The following ESRRG variants were observed in gnomAD, a reference collection of about 807,000 sequenced individuals.
The protein encoded by ESRRG is estrogen related receptor gamma.
Under a neutral mutation model 44.0 loss-of-function variants are expected in ESRRG, and 13 were observed. The observed-to-expected ratio is 0.30, with a 90% CI of 0.19 to 0.47. The LOEUF is 0.47. Ranked by LOEUF, ESRRG falls within the 20% of genes least tolerant of loss-of-function variation. ESRRG has a pLI of 1.00. For missense variants in ESRRG, 395 were observed against 580.6 expected (o/e 0.68, Z 3.29); for synonymous variants, 215 against 214.6 (o/e 1.00, Z -0.02).
At chr1:216,581,324 C>A (rs1218430060) in intron 3 of ESRRG, among the ~76,000 whole-genome samples, 5 of 152,060 alleles carry the variant, frequency 3.3e-5, no homozygotes, top group African/African-American at 1.2e-4. Flanking sequence ...ATATGTATAC[C>A]TCTGTATATA....
chr1:217,131,102 T>C (rs1457114834), intron 1 of ESRRG, among the ~76,000 whole-genome samples: 1 of 152,198 alleles, frequency 6.6e-6, no homozygotes, highest in Non-Finnish European at 1.5e-5. Flanking sequence ...GAGAACATAA[T>C]TCTGAAGAAG....
chr1:216,986,621 G>C (rs2074920019), intron 1 of ESRRG, among the ~76,000 whole-genome samples: 1 of 151,670 alleles, frequency 6.6e-6, no homozygotes, highest in Non-Finnish European at 1.5e-5. Flanking sequence ...CAGCTACTCG[G>C]GAGGCTGAGG....
intron 1 of ESRRG, among the ~76,000 whole-genome samples, chr1:217,074,606 G>C (rs567485301): frequency 1.1e-4 from 17 of 152,204 alleles, no homozygotes; most frequent in African/African-American, 4.1e-4. Context: ...GGGAGGCCAA[G>C]GTGGGAGGAC....
At chr1:216,620,984 A>C (rs2062135731) in intron 3 of ESRRG, among the ~76,000 whole-genome samples, 1 of 152,228 alleles carries the variant, frequency 6.6e-6, no homozygotes, top group Non-Finnish European at 1.5e-5. Flanking sequence ...ATGTTTGGAC[A>C]CCAGACGTCA....
chr1:216,555,403 T>A (rs556288829), intron 5 of ESRRG, among the ~76,000 whole-genome samples: 3 of 152,324 alleles, frequency 2.0e-5, no homozygotes, highest in South Asian at 4.1e-4. Flanking sequence ...ATAATTAGGT[T>A]ATTTTCCAGT....
chr1:216,857,448 C>G (rs1022960646), intron 2 of ESRRG, among the ~76,000 whole-genome samples: 3 of 151,824 alleles, frequency 2.0e-5, no homozygotes, highest in Admixed American at 6.6e-5. Context: ...TGTCTAGGAC[C>G]AATTTCACTT....
intron 2 of ESRRG, among the ~76,000 whole-genome samples, chr1:216,847,252 T>A (rs774681928): frequency 6.6e-6 from 1 of 152,132 alleles, no homozygotes; most frequent in Non-Finnish European, 1.5e-5. Context: ...CTATCTAAAG[T>A]TTTCAAGTAA....
At chr1:216,647,459 C>A (rs1161859652) in intron 3 of ESRRG, among the ~76,000 whole-genome samples, 1 of 149,086 alleles carries the variant, frequency 6.7e-6, no homozygotes, top group Non-Finnish European at 1.5e-5. Flanking sequence ...TTCTCTAAGA[C>A]AACACATTTT....
At chr1:217,033,902 G>A (rs191099957) in intron 1 of ESRRG, among the ~76,000 whole-genome samples, 20 of 152,284 alleles carry the variant, frequency 1.3e-4, no homozygotes, top group Non-Finnish European at 1.8e-4. Flanking sequence ...GTTTAAATAC[G>A]TTCGTTAAAG....
chr1:217,106,173 T>C (rs1230008448), intron 1 of ESRRG, among the ~76,000 whole-genome samples: 4 of 152,218 alleles, frequency 2.6e-5, no homozygotes, highest in East Asian at 3.8e-4. Context: ...CTCTAAGTGA[T>C]AGATTTCAAA....
intron 2 of ESRRG, among the ~76,000 whole-genome samples, chr1:216,826,303 C>T (rs536033343): frequency 1.1e-4 from 16 of 151,848 alleles, no homozygotes; most frequent in Non-Finnish European, 1.6e-4. Flanking sequence ...TTATCTGAAC[C>T]GGTAAATAAA....
At chr1:216,921,267 T>A (rs1178658362) in intron 2 of ESRRG, among the ~76,000 whole-genome samples, 3 of 152,164 alleles carry the variant, frequency 2.0e-5, no homozygotes, top group Admixed American at 2.0e-4. Context: ...TCTCTGCCTC[T>A]TAGTCGCATG....
At chr1:216,613,699 C>G (rs891323684) in intron 3 of ESRRG, among the ~76,000 whole-genome samples, 1 of 152,190 alleles carries the variant, frequency 6.6e-6, no homozygotes, top group East Asian at 1.9e-4. Context: ...CTTCAGGTTA[C>G]ATTAATAATG....
rs3072232 is a variant in ESRRG at position 216,968,701 on chromosome 1, C to CTTT, written c.-105-29031_-105-29029dup. Among the ~76,000 whole-genome samples the CTTT allele has an allele frequency of 9.0e-4, 127 of 141,884 alleles. 1 individual carries two copies. The highest frequency in any genetic ancestry group is 1.5e-3 in the Non-Finnish European group (99 of 65,668). The allele number at this position is 141,884 out of a possible 152,430, so 93.1% of individuals were successfully genotyped here. ...CATTCTTGTGTTGACTAGTATGGGT[C>CTTT]TTTTTTTTTTTTTGTCTCTATAAAT... On this transcript the variant is annotated intron_variant, in intron 1 of 7. Transcript: ENST00000359162.
rs538366190 is a variant in ESRRG at position 216,688,559 on chromosome 1, G to T, written c.57-11068C>A. On this transcript the variant is annotated intron_variant, in intron 1 of 6. Transcript: ENST00000408911. ...AACAAGGCTTTGGTTCTCAGTGAGT[G>T]AGAAATTGAATATTACAGAGTTAAG... Among the ~76,000 whole-genome samples, 20 of 152,254 alleles carry T rather than the reference G, an allele frequency of 1.3e-4. No homozygotes were observed. The South Asian group carries it at 4.1e-3, about 32-fold the overall frequency.
chr1:216,608,918 C>A (rs1046458560), intron 3 of ESRRG, among the ~76,000 whole-genome samples: 2 of 152,198 alleles, frequency 1.3e-5, no homozygotes, highest in African/African-American at 4.8e-5. Context: ...ATTGTGTCTT[C>A]TGAAAGATGT....
intron 1 of ESRRG, among the ~76,000 whole-genome samples, chr1:217,134,148 G>T (rs377305970): frequency 7.8e-4 from 119 of 152,242 alleles, no homozygotes; most frequent in African/African-American, 2.7e-3. Context: ...GCTCGGGAGG[G>T]AACTGGGGAT....
At chr1:217,062,303 C>T (rs915849292) in intron 1 of ESRRG, among the ~76,000 whole-genome samples, 5 of 152,082 alleles carry the variant, frequency 3.3e-5, no homozygotes, top group African/African-American at 9.7e-5. Context: ...AATGACATAC[C>T]GTGTGAGAGA....
At chr1:216,615,816 T>C (rs756851164) in intron 3 of ESRRG, among the ~76,000 whole-genome samples, 4 of 147,416 alleles carry the variant, frequency 2.7e-5, no homozygotes, top group Non-Finnish European at 5.9e-5. Context: ...GCCTCCTGAG[T>C]AGGAGGGATT....
Sources: gnomAD v4.1 joint callset for allele counts (sites outside exome capture counted in the v4.1 genomes callset) on GRCh38, gnomAD v4.1.1 for gene constraint, MANE v1.5 for transcripts, NCBI Gene and HGNC (gene_info 2026-07-23, HGNC 2026-07-21) for gene names.